The following AGMO variants were observed in gnomAD, a reference collection of about 807,000 sequenced individuals.
The protein encoded by AGMO is alkylglycerol monooxygenase.
A neutral mutation model predicts 60.2 loss-of-function variants in AGMO; 75 were observed. The observed-to-expected ratio is 1.25, with a 90% CI of 1.03 to 1.51. The LOEUF (loss-of-function observed/expected upper bound fraction) is 1.51. Ranked by LOEUF, AGMO falls within the 40% of genes most tolerant of loss-of-function variation. AGMO has a pLI of 0.00. For missense variants in AGMO, 763 were observed against 525.5 expected (o/e 1.45, Z -4.42); for synonymous variants, 261 against 177.1 (o/e 1.47, Z -3.76).
chr7:15,328,260 G>A (rs916268684), intron 12 of AGMO, among the ~76,000 whole-genome samples: 1 of 152,018 alleles, frequency 6.6e-6, no homozygotes, highest in Non-Finnish European at 1.5e-5. Flanking sequence ...ACCACACCCG[G>A]CTAGTTTTGT....
At chr7:15,384,817 CTTTT>C (rs71953359) in intron 10 of AGMO, among the ~76,000 whole-genome samples, 13 of 121,304 alleles carry the variant, frequency 1.1e-4, no homozygotes, top group African/African-American at 3.1e-4. Context: ...CTGTTTTTCT[CTTTT>C]TTTTTTTTTT....
intron 12 of AGMO, among the ~76,000 whole-genome samples, chr7:15,343,807 G>GA (rs1194462307): frequency 1.3e-5 from 2 of 152,138 alleles, no homozygotes; most frequent in Non-Finnish European, 2.9e-5. Flanking sequence ...AAGGGAAGCA[G>GA]AGAGATTCAT....
chr7:15,357,190 CGTGTGTGTGTGTGTGTGTGTGTGT>C (rs36124819), intron 12 of AGMO, among the ~76,000 whole-genome samples: 2 of 144,362 alleles, frequency 1.4e-5, no homozygotes, highest in African/African-American at 5.1e-5. Flanking sequence ...TATGAATATT[CGTGTGTGTGTGTGTGTGTGTGTGT>C]GTGTGTGTGT....
chr7:15,511,846 G>C (rs1166946889), intron 3 of AGMO, among the ~76,000 whole-genome samples: 2 of 152,068 alleles, frequency 1.3e-5, no homozygotes, highest in African/African-American at 4.8e-5. Context: ...ACATCCACAT[G>C]TATAGAACAA....
chr7:15,272,345 G>A (rs1783641085), intron 12 of AGMO, among the ~76,000 whole-genome samples: 1 of 137,878 alleles, frequency 7.3e-6, no homozygotes, highest in South Asian at 2.2e-4. Context: ...TGTTCTCGTT[G>A]TTCAATTCCC....
chr7:15,330,651 G>A (rs1415206741), intron 12 of AGMO, among the ~76,000 whole-genome samples: 1 of 151,976 alleles, frequency 6.6e-6, no homozygotes, highest in Non-Finnish European at 1.5e-5. Context: ...TATTTTTTCT[G>A]GGAGAAATAC....
At chr7:15,388,282 G>C (rs994508928) in intron 8 of AGMO, among the ~76,000 whole-genome samples, 2 of 152,062 alleles carry the variant, frequency 1.3e-5, no homozygotes, top group South Asian at 2.1e-4. Flanking sequence ...AAGCATGTGG[G>C]TTACTTATAT....
rs544511923 is a variant in AGMO, at chr7:15,201,099, A to C, written c.*186T>G. On this transcript the variant is annotated 3_prime_UTR_variant, in exon 13 of 13. Coordinates refer to ENST00000342526, the MANE Select transcript of AGMO (RefSeq NM_001004320.2). ...TGTAGTAAAGGGGGGAAGTAACCAA[A>C]ACTGACTTTAATTTTTAATAGAAAA... 7.0e-6 allele frequency: 3 copies of C among 428,588 alleles called. No homozygotes were observed. In the Admixed American group the frequency reaches 1.3e-4, roughly 18 times the overall value. 26.5% of individuals were successfully genotyped at this position (428,588 alleles called of 1,614,324 possible).
chr7:15,338,914 T>C (rs896845302), intron 12 of AGMO, among the ~76,000 whole-genome samples: 13 of 152,198 alleles, frequency 8.5e-5, no homozygotes, highest in Admixed American at 6.5e-5. Flanking sequence ...ATGTGGACAG[T>C]AGAAGGTTGG....
At chr7:15,216,927 T>C (rs1177101061) in intron 12 of AGMO, among the ~76,000 whole-genome samples, 1 of 151,988 alleles carries the variant, frequency 6.6e-6, no homozygotes, top group East Asian at 1.9e-4. Context: ...TAGATGTACA[T>C]ATCTCACACC....
At chr7:15,302,928 A>G (rs1329807920) in intron 12 of AGMO, among the ~76,000 whole-genome samples, 1 of 152,186 alleles carries the variant, frequency 6.6e-6, no homozygotes, top group Non-Finnish European at 1.5e-5. Context: ...AAAGTCAGGA[A>G]AAGTATCTAT....
At chr7:15,486,125 G>A (rs1313891962) in intron 3 of AGMO, among the ~76,000 whole-genome samples, 2 of 152,070 alleles carry the variant, frequency 1.3e-5, no homozygotes, top group Non-Finnish European at 2.9e-5. Context: ...TGGAGATAAC[G>A]CAAACTGCCC....
At chr7:15,397,740 A>G (rs991201706) in intron 5 of AGMO, among the ~76,000 whole-genome samples, 3 of 152,182 alleles carry the variant, frequency 2.0e-5, no homozygotes, top group African/African-American at 7.2e-5. Flanking sequence ...AATTCATACA[A>G]TGGAGCTCAT....
intron 12 of AGMO, among the ~76,000 whole-genome samples, chr7:15,278,017 T>C (rs1019060660): frequency 6.6e-6 from 1 of 152,136 alleles, no homozygotes; most frequent in Non-Finnish European, 1.5e-5. Context: ...ATGAGATCTG[T>C]TTCCCTATCA....
In AGMO at chr7:15,314,139, T is replaced by C. The variant is rs374179118; in HGVS notation, c.1263+51375A>G. 6.6e-5 allele frequency among the ~76,000 whole-genome samples: 10 copies of C among 152,116 alleles called. No homozygotes were observed. In the East Asian group the frequency reaches 7.8e-4, roughly 12 times the overall value. On this transcript the variant is annotated intron_variant, in intron 12 of 12. Transcript: ENST00000342526. ...TGATGGACAGGTAGCATATATAGCA[T>C]GGATAAGTTGGACAAAAAGGTGATT... is the stretch of plus-strand genomic sequence containing the variant.
At chr7:15,337,009 C>T (rs1300304754) in intron 12 of AGMO, among the ~76,000 whole-genome samples, 8 of 152,166 alleles carry the variant, frequency 5.3e-5, no homozygotes, top group Non-Finnish European at 1.2e-4. Flanking sequence ...GGCACTCAAA[C>T]GTATGTAACT....
At chr7:15,310,480 CT>C (rs1780737858) in intron 12 of AGMO, among the ~76,000 whole-genome samples, 1 of 151,836 alleles carries the variant, frequency 6.6e-6, no homozygotes, top group Non-Finnish European at 1.5e-5. Context: ...GTTACTAATA[CT>C]AAAAAACAAA....
In AGMO at chr7:15,550,109, T is replaced by A. The variant is rs540852448; in HGVS notation, c.258-5186A>T. Among the ~76,000 whole-genome samples the A allele has an allele frequency of 1.2e-3, 187 of 152,196 alleles. 4 individuals carry two copies. In the South Asian group the frequency reaches 0.038, roughly 31 times the overall value. ...TGAAGGCAGAAATAAAGACGTTCTT[T>A]GAAACCAACGAGAACAAAGACACAA... On this transcript the variant is annotated intron_variant, in intron 2 of 12. Transcript: ENST00000342526.
chr7:15,147,627 G>C, the AGMO span, among the ~76,000 whole-genome samples: 1 of 152,030 alleles, frequency 6.6e-6, no homozygotes, highest in African/African-American at 2.4e-5. Context: ...GGATTTCCTT[G>C]GCCAGAACTT....
Sources: gnomAD v4.1 joint callset for allele counts (sites outside exome capture counted in the v4.1 genomes callset) on GRCh38, gnomAD v4.1.1 for gene constraint, MANE v1.5 for transcripts, NCBI Gene and HGNC (gene_info 2026-07-23, HGNC 2026-07-21) for gene names.